ATXN2: variants seen among roughly 807,000 people sequenced by gnomAD.
ATXN2 encodes the protein ataxin 2, also known as ataxin-2.
ATXN2 carries 37 observed loss-of-function variants against 138.6 expected under a neutral mutation model. That is an observed-to-expected ratio of 0.27 (90% CI 0.21 to 0.35). The LOEUF (loss-of-function observed/expected upper bound fraction) is 0.35. Ranked by LOEUF, ATXN2 falls within the 10% of genes least tolerant of loss-of-function variation. The pLI, the probability that ATXN2 is intolerant of heterozygous loss-of-function variation, is 1.00. For synonymous variants in ATXN2, 549 were observed against 543.7 expected (o/e 1.01, Z -0.13); for missense variants, 1,216 against 1,480.3 (o/e 0.82, Z 2.93).
intron 14 of ATXN2, among the ~76,000 whole-genome samples, chr12:111,503,031 C>CT (rs1878881792): frequency 1.3e-5 from 2 of 152,288 alleles, no homozygotes; most frequent in South Asian, 4.1e-4. Flanking sequence ...CCATTTACCT[C>CT]TAAAACCCAC....
intron 5 of ATXN2, among the ~76,000 whole-genome samples, chr12:111,541,799 A>C (rs1392508636): frequency 6.8e-6 from 1 of 147,144 alleles, no homozygotes. Flanking sequence ...ATATTATAAA[A>C]ATTTTTTTTT....
chr12:111,589,932 G>A (rs946164020), intron 1 of ATXN2, among the ~76,000 whole-genome samples: 7 of 151,418 alleles, frequency 4.6e-5, no homozygotes, highest in Non-Finnish European at 8.8e-5. Context: ...AAAATAAGGC[G>A]AGGCGCAGTG....
At chr12:111,554,297 AGT>A in intron 2 of ATXN2, 80 bp from the exon 3 acceptor site, 1 of 1,035,908 alleles carries the variant, frequency 9.7e-7, no homozygotes, top group Non-Finnish European at 1.3e-6. Flanking sequence ...TGGGACCAGA[AGT>A]ATTTTAGACT....
Position 111,552,877 on chromosome 12 carries a change from G to T in ATXN2, c.420+29C>A. ...GACTATGAAAATGTTCTTTTACTTT[G>T]TAAGAAAAAGAAAAAAAGTAAAAAT... On this transcript the variant is annotated intron_variant, in intron 4 of 24. Coordinates refer to ENST00000673436, the MANE Select transcript of ATXN2 (RefSeq NM_001372574.1). The surrounding 1 kb of genome is among the most constrained non-coding windows in gnomAD (Gnocchi z 4.1). 1.4e-6 allele frequency: 2 copies of T among 1,419,228 alleles called. No individual in the cohort carries two copies. Among genetic ancestry groups the T allele is most frequent in the South Asian group, 1.3e-5 (1 of 76,988 alleles). 87.9% of individuals were successfully genotyped at this position (1,419,228 alleles called of 1,614,324 possible).
At chr12:111,537,115 A>C (rs535104237) in intron 5 of ATXN2, among the ~76,000 whole-genome samples, 2 of 152,220 alleles carry the variant, frequency 1.3e-5, no homozygotes, top group East Asian at 3.9e-4. Context: ...CACTGTTCGC[A>C]GCAGGATTAT....
At chr12:111,513,242 A>T in intron 11 of ATXN2, 115 bp downstream of exon 11, 1 of 1,190,122 alleles carries the variant, frequency 8.4e-7, no homozygotes, top group Non-Finnish European at 1.2e-6. Flanking sequence ...TGGTGATTCT[A>T]CTATTTTTAA....
Position 111,552,006 on chromosome 12 carries a change from T to C in ATXN2, c.571+274A>G, listed in dbSNP as rs1050443456. 4.7e-4 allele frequency among the ~76,000 whole-genome samples: 72 copies of C among 151,956 alleles called. No homozygotes were observed. Among genetic ancestry groups the C allele is most frequent in the African/African-American group, 1.7e-3 (69 of 41,334 alleles). On this transcript the variant is annotated intron_variant, in intron 5 of 24. Coordinates refer to ENST00000673436, the MANE Select transcript of ATXN2 (RefSeq NM_001372574.1). This position sits in a 1 kb window ranked among gnomAD's most constrained non-coding sequence, Gnocchi z 4.1. ...AGCAATTCTGTCTCAGCCTCCCTAG[T>C]AGCTAGGACTATAGGCGCACGCCAC... is the stretch of plus-strand genomic sequence containing the variant.
intron 1 of ATXN2, among the ~76,000 whole-genome samples, chr12:111,594,312 A>G (rs1362574827): frequency 6.6e-6 from 1 of 152,136 alleles, no homozygotes; most frequent in African/African-American, 2.4e-5. Context: ...AAATGGAAGC[A>G]TGATGAACAA....
intron 18 of ATXN2, 43 bp from the exon 19 acceptor site, chr12:111,470,785 C>A: frequency 6.3e-7 from 1 of 1,591,792 alleles, no homozygotes. Context: ...AGTATCTCCA[C>A]AGCATAATAC....
intron 23 of ATXN2, chr12:111,455,601 A>G: frequency 3.3e-6 from 1 of 301,414 alleles, no homozygotes; most frequent in Non-Finnish European, 6.4e-6. Context: ...GTAACAATCA[A>G]GTTGACAGGC....
chr12:111,517,655 G>C (rs1412840850), intron 9 of ATXN2, among the ~76,000 whole-genome samples: 1 of 152,032 alleles, frequency 6.6e-6, no homozygotes, highest in African/African-American at 2.4e-5. Context: ...TAAAGATTCA[G>C]GTTTCTTTTA....
At chr12:111,564,580 C>T (rs939108839) in intron 1 of ATXN2, among the ~76,000 whole-genome samples, 1 of 151,646 alleles carries the variant, frequency 6.6e-6, no homozygotes, top group African/African-American at 2.4e-5. Flanking sequence ...TTTGCCCATC[C>T]TCACACTGAA....
chr12:111,495,970 C>T (rs558840385), intron 14 of ATXN2, among the ~76,000 whole-genome samples: 2 of 141,752 alleles, frequency 1.4e-5, no homozygotes, highest in South Asian at 4.4e-4. Flanking sequence ...ATCGCAAAGC[C>T]CCATCTCTAC....
intron 14 of ATXN2, among the ~76,000 whole-genome samples, chr12:111,501,369 A>C (rs1878749349): frequency 6.6e-6 from 1 of 152,208 alleles, no homozygotes; most frequent in Admixed American, 6.5e-5. Flanking sequence ...CAAGCAACAA[A>C]AACAGAACCT....
chr12:111,477,853 C>T (rs1356005608), intron 18 of ATXN2, among the ~76,000 whole-genome samples: 1 of 152,084 alleles, frequency 6.6e-6, no homozygotes, highest in Admixed American at 6.6e-5. Flanking sequence ...GATCACCCCT[C>T]CATCGCCCTC....
At chr12:111,514,213 T>TA (rs1206028245) in intron 10 of ATXN2, among the ~76,000 whole-genome samples, 6 of 152,378 alleles carry the variant, frequency 3.9e-5, no homozygotes, top group African/African-American at 1.4e-4. Context: ...GGATGACTTG[T>TA]ATTAGTCTAT....
intron 5 of ATXN2, among the ~76,000 whole-genome samples, chr12:111,529,214 C>G (rs1203657915): frequency 6.6e-6 from 1 of 152,066 alleles, no homozygotes; most frequent in Admixed American, 6.5e-5. Flanking sequence ...ACAACTGGCT[C>G]TAATCTACAG....
chr12:111,556,327 G>C (rs921808496), intron 1 of ATXN2, among the ~76,000 whole-genome samples: 7 of 152,176 alleles, frequency 4.6e-5, no homozygotes, highest in Admixed American at 2.0e-4. Flanking sequence ...AGTAGGCTAC[G>C]ATCATTCCAC....
At chr12:111,585,801 CAAAAAAAAAAAAA>C (rs761433806) in intron 1 of ATXN2, among the ~76,000 whole-genome samples, 8 of 24,772 alleles carry the variant, frequency 3.2e-4, no homozygotes, top group East Asian at 6.1e-3. Context: ...AACTCCATCT[CAAAAAAAAAAAAA>C]AAAAAAAAAA....
Sources: gnomAD v4.1 joint callset for allele counts (sites outside exome capture counted in the v4.1 genomes callset) on GRCh38, gnomAD v4.1.1 for gene constraint, Gnocchi (gnomAD v3.1) non-coding constraint, MANE v1.5 for transcripts, NCBI Gene and HGNC (gene_info 2026-07-23, HGNC 2026-07-21) for gene names.